The following DLG2 variants were observed in gnomAD, a reference collection of about 807,000 sequenced individuals.
The protein encoded by DLG2 is discs large MAGUK scaffold protein 2, also known as disks large homolog 2.
A neutral mutation model predicts 132.5 loss-of-function variants in DLG2; 45 were observed. The ratio of observed to expected loss-of-function variants is 0.34; its 90% confidence interval spans 0.27 to 0.44. The LOEUF (loss-of-function observed/expected upper bound fraction) is 0.44, where lower values mean the gene tolerates loss of function less well. Among genes scored for constraint, DLG2 ranks in the 20% least tolerant of loss-of-function variants. DLG2 has a pLI of 1.00. For synonymous variants in DLG2, 424 were observed against 419.6 expected, an observed-to-expected ratio of 1.01 and a Z score of -0.13; for missense variants, 1,045 against 1,196.9, an observed-to-expected ratio of 0.87 and a Z score of 1.87.
At chr11:85,229,834 T>C (rs1296758505) in intron 4 of DLG2, among the ~76,000 whole-genome samples, 1 of 152,118 alleles carries the variant, frequency 6.6e-6, no homozygotes, top group African/African-American at 2.4e-5. Context: ...TTTATGTCTT[T>C]TGCAGGGACA....
chr11:84,888,139 T>G (rs566382349), intron 6 of DLG2, among the ~76,000 whole-genome samples: 42 of 152,254 alleles, frequency 2.8e-4, no homozygotes, highest in African/African-American at 8.7e-4. Context: ...TTATTTTACA[T>G]GTCAACTTGG....
chr11:83,935,847 G>A (rs1270799702), intron 14 of DLG2, among the ~76,000 whole-genome samples: 2 of 152,108 alleles, frequency 1.3e-5, no homozygotes, highest in South Asian at 2.1e-4. Flanking sequence ...TTTAGATCTG[G>A]CTCTTTCAAA....
chr11:84,613,590 C>G (rs2099599123), intron 6 of DLG2, among the ~76,000 whole-genome samples: 1 of 152,154 alleles, frequency 6.6e-6, no homozygotes, highest in African/African-American at 2.4e-5. Context: ...ATAGTGACCA[C>G]TCACTAATTA....
intron 5 of DLG2, among the ~76,000 whole-genome samples, chr11:85,143,641 T>C (rs1784813816): frequency 6.6e-6 from 1 of 151,830 alleles, no homozygotes; most frequent in Non-Finnish European, 1.5e-5. Context: ...TTTTCATTTG[T>C]TTCATAAAAT....
intron 3 of DLG2, among the ~76,000 whole-genome samples, chr11:85,533,970 G>T (rs1050162026): frequency 4.6e-5 from 7 of 152,066 alleles, no homozygotes; most frequent in Admixed American, 3.9e-4. Context: ...CTAAAATGTT[G>T]CTCTCTGGTT....
rs572132696 is a variant in DLG2, at chr11:84,342,553, T to TA, written c.520-91263dup. Among the ~76,000 whole-genome samples the TA allele has an allele frequency of 4.0e-4, 61 of 152,294 alleles. 2 individuals carry two copies. In the South Asian group the frequency reaches 0.012, roughly 29 times the overall value. The stretch of plus-strand genomic sequence containing the variant: ...GGCACAATAATAATTTGGTCCAAGG[T>TA]AAAGCCTTTACTGCCTTGGGGTCAA... On this transcript the variant is annotated intron_variant, in intron 7 of 27. Transcript: ENST00000376104.
chr11:83,719,087 C>T (rs2087618410), intron 18 of DLG2, among the ~76,000 whole-genome samples: 1 of 152,194 alleles, frequency 6.6e-6, no homozygotes, highest in Admixed American at 6.5e-5. Flanking sequence ...TAAAAATACC[C>T]TGCACAGCCA....
At chr11:85,387,607 A>C (rs944663933) in intron 3 of DLG2, among the ~76,000 whole-genome samples, 1 of 152,218 alleles carries the variant, frequency 6.6e-6, no homozygotes, top group Admixed American at 6.5e-5. Flanking sequence ...TACAGCTGTC[A>C]GTAAGTCAAA....
intron 8 of DLG2, among the ~76,000 whole-genome samples, chr11:84,225,324 T>A (rs1280406732): frequency 6.6e-6 from 1 of 152,214 alleles, no homozygotes; most frequent in Non-Finnish European, 1.5e-5. Context: ...ACACACATAC[T>A]GTACAACAGA....
At chr11:84,909,322 G>C (rs941904682) in intron 6 of DLG2, among the ~76,000 whole-genome samples, 1 of 151,972 alleles carries the variant, frequency 6.6e-6, no homozygotes, top group Admixed American at 6.6e-5. Context: ...AATTATCATA[G>C]CTTTTATATA....
At chr11:85,402,154 A>C (rs1036701834) in intron 3 of DLG2, among the ~76,000 whole-genome samples, 3 of 152,160 alleles carry the variant, frequency 2.0e-5, no homozygotes, top group Non-Finnish European at 4.4e-5. Flanking sequence ...ATATAGACCA[A>C]TGGAACAGAA....
chr11:85,270,065 A>G (rs1255356325), intron 4 of DLG2, among the ~76,000 whole-genome samples: 1 of 152,208 alleles, frequency 6.6e-6, no homozygotes, highest in African/African-American at 2.4e-5. Context: ...GAGAAACAGA[A>G]CCAGTAGAAT....
At chr11:84,004,893 G>C (rs1422070814) in intron 11 of DLG2, among the ~76,000 whole-genome samples, 3 of 138,954 alleles carry the variant, frequency 2.2e-5, no homozygotes, top group Admixed American at 1.5e-4. Flanking sequence ...AAAAATACCA[G>C]AGTCATTTTT....
At chr11:84,475,067 G>A (rs2099118010) in intron 7 of DLG2, among the ~76,000 whole-genome samples, 1 of 152,084 alleles carries the variant, frequency 6.6e-6, no homozygotes, top group African/African-American at 2.4e-5. Flanking sequence ...TCTGCTAGAT[G>A]TTACCAAAAA....
chr11:84,866,616 T>G (rs1257576213), intron 6 of DLG2, among the ~76,000 whole-genome samples: 1 of 152,192 alleles, frequency 6.6e-6, no homozygotes, highest in African/African-American at 2.4e-5. Context: ...ACTACACTGT[T>G]CTCATTGGGG....
intron 6 of DLG2, chr11:84,923,289 T>G: frequency 1.4e-6 from 2 of 1,449,002 alleles, no homozygotes; most frequent in Non-Finnish European, 1.8e-6. Flanking sequence ...TTGAAGGCAC[T>G]GAGTGAGAGC....
At chr11:85,336,483 G>T (rs2082140165) in intron 3 of DLG2, 1 of 156,132 alleles carries the variant, frequency 6.4e-6, no homozygotes, top group African/African-American at 2.4e-5. Flanking sequence ...GGTGGCCAAG[G>T]TGGTAGCAGC....
intron 7 of DLG2, among the ~76,000 whole-genome samples, chr11:84,321,865 A>G (rs1457045138): frequency 6.6e-6 from 1 of 152,176 alleles, no homozygotes; most frequent in Non-Finnish European, 1.5e-5. Context: ...CTCCTCAAGA[A>G]AGCATTCCCT....
At chr11:85,169,393 G>A (rs1370211365) in intron 4 of DLG2, among the ~76,000 whole-genome samples, 6 of 151,976 alleles carry the variant, frequency 3.9e-5, no homozygotes, top group Admixed American at 2.0e-4. Context: ...CATGAAAAAC[G>A]GTACGTAAAT....
Sources: allele counts gnomAD v4.1 joint callset (sites outside exome capture counted in the v4.1 genomes callset), GRCh38; gene constraint gnomAD v4.1.1; transcripts MANE v1.5; gene names NCBI Gene and HGNC (gene_info 2026-07-23, HGNC 2026-07-21).